RGS6: variants seen among roughly 807,000 people sequenced by gnomAD.
RGS6 encodes the protein regulator of G-protein signaling 6.
A neutral mutation model predicts 78.5 loss-of-function variants in RGS6; 30 were observed. That is an observed-to-expected ratio of 0.38 (90% CI 0.29 to 0.52). The LOEUF (loss-of-function observed/expected upper bound fraction) is 0.52, where lower values mean the gene tolerates loss of function less well. RGS6 is among the 20% of genes least tolerant of loss of function. The probability of loss-of-function intolerance (pLI) is 0.85; values close to 1 mark genes in which losing one functional copy is unlikely to be tolerated. For missense variants in RGS6, 495 were observed against 609.7 expected (o/e 0.81, Z 1.98); for synonymous variants, 206 against 206.0 (o/e 1.00, Z 0.00).
chr14:72,073,943 A>G (rs958195828), intron 2 of RGS6, among the ~76,000 whole-genome samples: 4 of 152,314 alleles, frequency 2.6e-5, no homozygotes, highest in African/African-American at 9.6e-5. Context: ...AATTTTGCCT[A>G]GTACTAAGCC....
Position 72,293,999 on chromosome 14 carries a change from C to T in RGS6, c.85-58096C>T, listed in dbSNP as rs116744747. 6.7e-3 allele frequency among the ~76,000 whole-genome samples: 1,020 copies of T among 152,296 alleles called. 9 individuals are homozygous for T. Among genetic ancestry groups the T allele is most frequent in the African/African-American group, 0.023 (946 of 41,576 alleles). ...TGCAGGGGTACTGCTGATGGATATG[C>T]GGGCTGTGTCCTGTGTGACAGTGCC... is the stretch of plus-strand genomic sequence containing the variant. On this transcript the variant is annotated intron_variant, in intron 2 of 17. Coordinates refer to ENST00000553525, the MANE Select transcript of RGS6 (RefSeq NM_001204424.2).
chr14:72,201,018 C>T (rs1033335029), intron 2 of RGS6, among the ~76,000 whole-genome samples: 2 of 149,604 alleles, frequency 1.3e-5, no homozygotes, highest in African/African-American at 4.9e-5. Flanking sequence ...TTGTGTTGGG[C>T]GTAACCACAG....
intron 2 of RGS6, among the ~76,000 whole-genome samples, chr14:72,285,074 A>AT (rs2062281386): frequency 6.6e-6 from 1 of 152,088 alleles, no homozygotes; most frequent in African/African-American, 2.4e-5. Flanking sequence ...CTTGCTTTTG[A>AT]TTTTACAGGC....
At chr14:72,092,111 C>A (rs564704504) in intron 2 of RGS6, among the ~76,000 whole-genome samples, 1 of 152,074 alleles carries the variant, frequency 6.6e-6, no homozygotes, top group Non-Finnish European at 1.5e-5. Context: ...CTGTAACCTC[C>A]GCCTCCTGAA....
chr14:72,206,903 T>C (rs2042850381), intron 2 of RGS6, among the ~76,000 whole-genome samples: 1 of 152,170 alleles, frequency 6.6e-6, no homozygotes, highest in Admixed American at 6.6e-5. Context: ...TTTGGAAGGA[T>C]ACACACCAAA....
intron 3 of RGS6, among the ~76,000 whole-genome samples, chr14:72,411,885 G>T (rs1413087515): frequency 2.6e-5 from 4 of 152,178 alleles, no homozygotes; most frequent in Admixed American, 2.6e-4. Context: ...ATTTTCGTAT[G>T]TTGAACCAGC....
intron 2 of RGS6, among the ~76,000 whole-genome samples, chr14:72,064,967 T>G (rs1461111173): frequency 6.6e-6 from 1 of 152,220 alleles, no homozygotes; most frequent in Non-Finnish European, 1.5e-5. Context: ...CATTATATTT[T>G]GTAGTATCTT....
At chr14:72,474,731 G>T in intron 10 of RGS6, 32 bp downstream of exon 10, 1 of 1,550,556 alleles carries the variant, frequency 6.4e-7, no homozygotes, top group Non-Finnish European at 8.9e-7. Context: ...AAAAATTCCT[G>T]ATGTGAATAG....
chr14:72,205,695 AT>A (rs1207380740), intron 2 of RGS6, among the ~76,000 whole-genome samples: 2 of 152,252 alleles, frequency 1.3e-5, no homozygotes, highest in Non-Finnish European at 2.9e-5. Context: ...GGTGATGAGT[AT>A]TTTGGAAGGA....
intron 2 of RGS6, among the ~76,000 whole-genome samples, chr14:72,167,755 T>C (rs2096949065): frequency 6.6e-6 from 1 of 152,246 alleles, no homozygotes; most frequent in Non-Finnish European, 1.5e-5. Context: ...ATTTGCATAT[T>C]GTAGGCAAAT....
At chr14:72,307,375 C>A (rs1315043546) in intron 2 of RGS6, among the ~76,000 whole-genome samples, 1 of 152,002 alleles carries the variant, frequency 6.6e-6, no homozygotes, top group Non-Finnish European at 1.5e-5. Context: ...CCTATAGTTG[C>A]ATTAAAAAAA....
At chr14:72,249,047 G>C (rs2054957976) in intron 2 of RGS6, among the ~76,000 whole-genome samples, 1 of 152,154 alleles carries the variant, frequency 6.6e-6, no homozygotes, top group South Asian at 2.1e-4. Context: ...ATTTTTAGCT[G>C]GGACTCCCTG....
At chr14:71,940,665 C>A (rs2152955350) in intron 1 of RGS6, among the ~76,000 whole-genome samples, 1 of 148,782 alleles carries the variant, frequency 6.7e-6, no homozygotes, top group African/African-American at 2.4e-5. Flanking sequence ...CCACCTGGTC[C>A]CTGCCACCTC....
intron 2 of RGS6, among the ~76,000 whole-genome samples, chr14:72,061,771 A>G (rs1317740435): frequency 6.6e-6 from 1 of 152,336 alleles, no homozygotes; most frequent in African/African-American, 2.4e-5. Flanking sequence ...CAGATTTGCT[A>G]TGATGGTGTC....
At chr14:72,297,481 A>G (rs1025287145) in intron 2 of RGS6, among the ~76,000 whole-genome samples, 1 of 150,948 alleles carries the variant, frequency 6.6e-6, no homozygotes, top group African/African-American at 2.4e-5. Flanking sequence ...TGTGCAGGTT[A>G]GTTACATATG....
the RGS6 span, among the ~76,000 whole-genome samples, chr14:72,585,487 C>A: frequency 6.6e-6 from 1 of 152,224 alleles, no homozygotes; most frequent in African/African-American, 2.4e-5. Flanking sequence ...AAAGTCTCAA[C>A]CAAGGCCTCA....
intron 2 of RGS6, among the ~76,000 whole-genome samples, chr14:72,250,182 T>G (rs992870715): frequency 1.4e-4 from 21 of 151,588 alleles, no homozygotes; most frequent in African/African-American, 5.1e-4. Context: ...ATGACACATG[T>G]ATACATATGT....
chr14:72,264,357 T>C (rs924323904), intron 2 of RGS6, among the ~76,000 whole-genome samples: 2 of 152,224 alleles, frequency 1.3e-5, no homozygotes, highest in Admixed American at 6.5e-5. Context: ...TCTGTGTGAG[T>C]AGATAACTAT....
At chr14:72,471,980 C>T (rs1358837600) in intron 8 of RGS6, among the ~76,000 whole-genome samples, 1 of 152,078 alleles carries the variant, frequency 6.6e-6, no homozygotes, top group African/African-American at 2.4e-5. Context: ...TTGATTAACT[C>T]TGTGATTACA....
Sources: allele counts gnomAD v4.1 joint callset (sites outside exome capture counted in the v4.1 genomes callset), GRCh38; gene constraint gnomAD v4.1.1; transcripts MANE v1.5; gene names NCBI Gene and HGNC (gene_info 2026-07-23, HGNC 2026-07-21).